SLC14A2: variants seen among roughly 807,000 people sequenced by gnomAD.
The protein encoded by SLC14A2 is urea transporter 2.
SLC14A2 carries 91 observed loss-of-function variants against 104.6 expected under a neutral mutation model. The ratio of observed to expected loss-of-function variants is 0.87; its 90% CI spans 0.73 to 1.04. The LOEUF is 1.04. Among genes scored for constraint, SLC14A2 ranks in the 50% least tolerant of loss-of-function variants. The pLI is 0.00. For missense variants in SLC14A2, 1,189 were observed against 1,156.0 expected, an observed-to-expected ratio of 1.03 and a Z score of -0.41; for synonymous variants, 476 against 466.4, an observed-to-expected ratio of 1.02 and a Z score of -0.27.
At chr18:45,556,139 C>G (rs1214934334) in intron 2 of SLC14A2, among the ~76,000 whole-genome samples, 1 of 152,160 alleles carries the variant, frequency 6.6e-6, no homozygotes, top group Non-Finnish European at 1.5e-5. Flanking sequence ...GTGAAAGGGG[C>G]AAAGACACTT....
the SLC14A2 span, among the ~76,000 whole-genome samples, chr18:45,176,846 G>A: frequency 1.3e-5 from 2 of 152,096 alleles, no homozygotes; most frequent in Non-Finnish European, 2.9e-5. Context: ...TCTCAAAGAT[G>A]TCCAGAGCAC....
intron 2 of SLC14A2, among the ~76,000 whole-genome samples, chr18:45,571,208 C>T (rs568238015): frequency 3.3e-5 from 5 of 152,254 alleles, no homozygotes; most frequent in East Asian, 3.9e-4. Context: ...CCATAAATAA[C>T]GGAGGCCAGG....
intron 1 of SLC14A2, among the ~76,000 whole-genome samples, chr18:45,350,139 G>A (rs936876738): frequency 1.3e-5 from 2 of 152,192 alleles, no homozygotes; most frequent in African/African-American, 4.8e-5. Context: ...CTTGCTAAAA[G>A]AGTTCAGGGC....
At chr18:45,455,944 C>G (rs10468976) in intron 1 of SLC14A2, among the ~76,000 whole-genome samples, 5,197 of 152,214 alleles carry the variant, frequency 0.034, 291 homozygotes, top group African/African-American at 0.12. Context: ...GGGCTTTGAG[C>G]ACACACCTAA....
At chr18:45,202,812 A>T in the SLC14A2 span, among the ~76,000 whole-genome samples, 2 of 152,182 alleles carry the variant, frequency 1.3e-5, no homozygotes, top group African/African-American at 4.8e-5. Flanking sequence ...TCTCAAATGG[A>T]GTTTTCCACC....
the SLC14A2 span, among the ~76,000 whole-genome samples, chr18:45,197,680 C>G: frequency 6.6e-6 from 1 of 152,224 alleles, no homozygotes; most frequent in Non-Finnish European, 1.5e-5. Flanking sequence ...CAAACCAGGA[C>G]TCTTGAGCAG....
chr18:45,194,951 C>A, the SLC14A2 span, among the ~76,000 whole-genome samples: 1 of 152,168 alleles, frequency 6.6e-6, no homozygotes, highest in East Asian at 1.9e-4. Context: ...TAGACTTTCC[C>A]AAATCTTTTT....
At chr18:45,253,460 A>G (rs1242370289) in intron 1 of SLC14A2, among the ~76,000 whole-genome samples, 3 of 152,068 alleles carry the variant, frequency 2.0e-5, no homozygotes, top group Non-Finnish European at 4.4e-5. Flanking sequence ...TGCTCTCTGC[A>G]TTATGCTGGA....
intron 2 of SLC14A2, among the ~76,000 whole-genome samples, chr18:45,554,060 T>A (rs2044093250): frequency 6.6e-6 from 1 of 152,234 alleles, no homozygotes; most frequent in Non-Finnish European, 1.5e-5. Flanking sequence ...CATGCCTGAT[T>A]TGAAGGTCAA....
chr18:45,530,724 G>A (rs945977463), intron 2 of SLC14A2, among the ~76,000 whole-genome samples: 1 of 152,048 alleles, frequency 6.6e-6, no homozygotes, highest in African/African-American at 2.4e-5. Flanking sequence ...TATACTTTAA[G>A]TTTTAGGGTA....
chr18:45,586,095 G>T (rs1353964673), intron 2 of SLC14A2, among the ~76,000 whole-genome samples: 2 of 152,218 alleles, frequency 1.3e-5, no homozygotes, highest in African/African-American at 4.8e-5. Context: ...CCATCAGCTA[G>T]TGATAAATAC....
chr18:45,414,821 G>A (rs1482612551), intron 1 of SLC14A2, among the ~76,000 whole-genome samples: 2 of 129,770 alleles, frequency 1.5e-5, no homozygotes, highest in Non-Finnish European at 3.2e-5. Flanking sequence ...ATGCCCTCAA[G>A]GATCTCATAG....
intron 1 of SLC14A2, chr18:45,483,048 G>C (rs1194845690): frequency 6.6e-6 from 1 of 152,156 alleles, no homozygotes; most frequent in Non-Finnish European, 1.5e-5. Context: ...TGGGTTAACA[G>C]TAGTTGTATC....
intron 1 of SLC14A2, among the ~76,000 whole-genome samples, chr18:45,395,139 C>T (rs2086014844): frequency 6.6e-6 from 1 of 152,104 alleles, no homozygotes. Context: ...CCTAAATGTC[C>T]ATCAATGGAT....
chr18:45,640,044 A>G (rs1338026346), intron 7 of SLC14A2, 151 bp downstream of exon 7: 3 of 743,008 alleles, frequency 4.0e-6, no homozygotes, highest in Non-Finnish European at 6.4e-6. Context: ...CTGTAATCCC[A>G]GCACTTTGGG....
chr18:45,298,350 T>G (rs2084936360), intron 1 of SLC14A2, among the ~76,000 whole-genome samples: 1 of 152,212 alleles, frequency 6.6e-6, no homozygotes, highest in Admixed American at 6.5e-5. Flanking sequence ...TTAAGTGGTT[T>G]GCTTGCTTGT....
intron 2 of SLC14A2, among the ~76,000 whole-genome samples, chr18:45,553,623 A>T (rs1050650319): frequency 2.6e-5 from 4 of 152,156 alleles, no homozygotes; most frequent in Non-Finnish European, 5.9e-5. Flanking sequence ...AAAAGGGGAG[A>T]AGGGCAAGAA....
chr18:45,433,133 CAT>C (rs963938870), intron 1 of SLC14A2, among the ~76,000 whole-genome samples: 3 of 152,204 alleles, frequency 2.0e-5, no homozygotes, highest in African/African-American at 7.2e-5. Flanking sequence ...ATTAGATAGA[CAT>C]AGGTTTGAGT....
At chr18:45,353,291 T>C (rs1462127437) in intron 1 of SLC14A2, among the ~76,000 whole-genome samples, 1 of 152,226 alleles carries the variant, frequency 6.6e-6, no homozygotes, top group African/African-American at 2.4e-5. Context: ...CCAACAATTA[T>C]ACATATCCAC....
Sources: gnomAD v4.1 joint callset for allele counts (sites outside exome capture counted in the v4.1 genomes callset) on GRCh38, gnomAD v4.1.1 for gene constraint, MANE v1.5 for transcripts, NCBI Gene and HGNC (gene_info 2026-07-23, HGNC 2026-07-21) for gene names.